Variants in RANBP2 observed in about 807,000 individuals in gnomAD.
RANBP2 encodes E3 SUMO-protein ligase RanBP2.
RANBP2 carries 57 observed loss-of-function variants against 303.6 expected under a neutral mutation model. That is an observed-to-expected ratio of 0.19 (90% CI 0.15 to 0.23). The LOEUF is 0.23. Among genes scored for constraint, RANBP2 ranks in the 10% least tolerant of loss-of-function variants. The pLI is 1.00. For missense variants in RANBP2, 3,138 were observed against 3,780.8 expected (o/e 0.83, Z 4.46); for synonymous variants, 1,167 against 1,301.5 (o/e 0.90, Z 2.23).
chr2:109,616,430 A>G, the RANBP2 span: 1 of 175,352 alleles, frequency 5.7e-6, no homozygotes, highest in African/African-American at 2.4e-5. Context: ...TGCAGTTTTT[A>G]TGTATCTGAT....
the RANBP2 span, among the ~76,000 whole-genome samples, chr2:109,427,564 A>G: frequency 6.6e-6 from 1 of 152,158 alleles, no homozygotes; most frequent in Admixed American, 6.5e-5. Flanking sequence ...TGAGGCCAGT[A>G]CCACTGGCCC....
the RANBP2 span, among the ~76,000 whole-genome samples, chr2:109,229,650 C>T: frequency 1.3e-5 from 2 of 152,086 alleles, no homozygotes; most frequent in South Asian, 4.1e-4. Context: ...GTCAGGAAGG[C>T]CCCAGATGTG....
chr2:108,999,245 G>C, the RANBP2 span, among the ~76,000 whole-genome samples: 3 of 152,178 alleles, frequency 2.0e-5, no homozygotes, highest in Admixed American at 6.5e-5. Context: ...TCATAGGATT[G>C]ATGTGAGCAT....
At chr2:109,282,481 G>A in the RANBP2 span, among the ~76,000 whole-genome samples, 2 of 152,262 alleles carry the variant, frequency 1.3e-5, no homozygotes, top group South Asian at 4.1e-4. Context: ...AGGAAGGCCC[G>A]AGGGTCACCA....
At chr2:109,520,935 CAA>C in the RANBP2 span, among the ~76,000 whole-genome samples, 3 of 118,256 alleles carry the variant, frequency 2.5e-5, no homozygotes, top group African/African-American at 2.9e-5. Context: ...GACTCCATCT[CAA>C]AAAAAAAAAA....
At chr2:109,588,810 A>G in the RANBP2 span, among the ~76,000 whole-genome samples, 1 of 148,696 alleles carries the variant, frequency 6.7e-6, no homozygotes, top group Non-Finnish European at 1.5e-5. Flanking sequence ...TATTATTTGA[A>G]GGTTGGGTGT....
chr2:108,869,911 CT>C, the RANBP2 span, among the ~76,000 whole-genome samples: 2 of 152,130 alleles, frequency 1.3e-5, no homozygotes, highest in African/African-American at 4.8e-5. Flanking sequence ...AGGATGAAAC[CT>C]GGCTCATCCA....
At chr2:109,159,006 A>G in the RANBP2 span, among the ~76,000 whole-genome samples, 1 of 152,220 alleles carries the variant, frequency 6.6e-6, no homozygotes, top group African/African-American at 2.4e-5. Context: ...AATCCCAGCT[A>G]CTTGGGAGGC....
the RANBP2 span, among the ~76,000 whole-genome samples, chr2:109,591,563 C>T: frequency 6.6e-6 from 1 of 152,276 alleles, no homozygotes; most frequent in Admixed American, 6.5e-5. Flanking sequence ...CAAGAGACTA[C>T]AGTTATTGGA....
chr2:109,727,435 T>G, the RANBP2 span, among the ~76,000 whole-genome samples: 1 of 152,180 alleles, frequency 6.6e-6, no homozygotes, highest in African/African-American at 2.4e-5. Flanking sequence ...TAGTAGTGGG[T>G]GGAGCTGGGA....
intron 15 of RANBP2, among the ~76,000 whole-genome samples, chr2:108,754,180 C>G (rs1185448904): frequency 3.3e-5 from 5 of 151,852 alleles, no homozygotes; most frequent in Admixed American, 3.3e-4. Context: ...TAGGTATATG[C>G]TCTTAAAAAG....
intron 25 of RANBP2, among the ~76,000 whole-genome samples, chr2:108,778,905 T>G (rs1355243050): frequency 3.3e-5 from 5 of 152,084 alleles, no homozygotes; most frequent in African/African-American, 9.7e-5. Context: ...ATTTTTACAT[T>G]TTTTGTAGAG....
chr2:109,262,832 T>C, the RANBP2 span, among the ~76,000 whole-genome samples: 3 of 152,148 alleles, frequency 2.0e-5, no homozygotes, highest in Non-Finnish European at 2.9e-5. Flanking sequence ...AGACTTTCTT[T>C]TTTCTTTTTT....
chr2:109,671,016 G>A, the RANBP2 span, among the ~76,000 whole-genome samples: 129 of 152,316 alleles, frequency 8.5e-4, 1 homozygote, highest in African/African-American at 3.0e-3. Flanking sequence ...GCTGGACTTC[G>A]GAGGGTGGGT....
the RANBP2 span, among the ~76,000 whole-genome samples, chr2:108,845,105 A>G: frequency 2.6e-5 from 4 of 152,142 alleles, no homozygotes; most frequent in East Asian, 7.7e-4. Context: ...AGCATTAGAG[A>G]TAATTTTAAA....
chr2:108,991,059 AAG>A, the RANBP2 span, among the ~76,000 whole-genome samples: 876 of 152,356 alleles, frequency 5.7e-3, 8 homozygotes, highest in African/African-American at 0.02. Flanking sequence ...ATATTTCCCA[AAG>A]AGAGAGAAAA....
chr2:109,245,739 C>A, the RANBP2 span, among the ~76,000 whole-genome samples: 1 of 152,180 alleles, frequency 6.6e-6, no homozygotes, highest in Non-Finnish European at 1.5e-5. Context: ...GAAATTCATT[C>A]TAAGTCATCA....
chr2:109,330,138 G>A, the RANBP2 span, among the ~76,000 whole-genome samples: 12 of 152,206 alleles, frequency 7.9e-5, no homozygotes, highest in Admixed American at 7.2e-4. Flanking sequence ...CCACTCTGGG[G>A]CAGCTGTGAG....
the RANBP2 span, among the ~76,000 whole-genome samples, chr2:109,484,653 T>G: frequency 6.6e-6 from 1 of 152,218 alleles, no homozygotes; most frequent in Non-Finnish European, 1.5e-5. Context: ...AACTTTCTCC[T>G]TTTTATTTTT....
Sources: allele counts gnomAD v4.1 joint callset (sites outside exome capture counted in the v4.1 genomes callset), GRCh38; gene constraint gnomAD v4.1.1; transcripts MANE v1.5; gene names NCBI Gene and HGNC (gene_info 2026-07-23, HGNC 2026-07-21).